FA2H: variants seen among roughly 807,000 people sequenced by gnomAD.
FA2H encodes fatty acid alpha-hydroxylase.
FA2H carries 22 observed loss-of-function variants against 44.9 expected under a neutral mutation model. The ratio of observed to expected loss-of-function variants is 0.49; its 90% CI spans 0.35 to 0.70. The LOEUF (loss-of-function observed/expected upper bound fraction) is 0.70, where lower values mean the gene tolerates loss of function less well. Among genes scored for constraint, FA2H ranks in the 30% least tolerant of loss-of-function variants. The pLI is 0.01. For synonymous variants in FA2H, 243 were observed against 213.2 expected, an observed-to-expected ratio of 1.14 and a Z score of -1.22; for missense variants, 501 against 504.9, an observed-to-expected ratio of 0.99 and a Z score of 0.07.
rs896869302 is a variant in FA2H, at chr16:74,774,717, G to C, written c.39C>G (p.Pro13=). ...PAPPPAASFS[P]SEVQRRLAAG... ...CCGCCAGGCGCCGCTGGACCTCGGA[G>C]GGCGAGAAGGAGGCGGCGGGGGGCG... is the stretch of plus-strand genomic sequence containing the variant. Residue 13 remains proline, a synonymous_variant, in exon 1 of 7, where the codon CCC becomes CCG. Coordinates refer to ENST00000219368, the MANE Select transcript of FA2H (RefSeq NM_024306.5). The C allele has an allele frequency of 6.7e-6, 9 of 1,340,336 alleles. No homozygotes were observed. The highest frequency in any genetic ancestry group is 6.6e-6 in the Non-Finnish European group (7 of 1,055,644). The allele number at this position is 1,340,336 out of a possible 1,614,324, so 83.0% of individuals were successfully genotyped here.
intron 2 of FA2H, among the ~76,000 whole-genome samples, chr16:74,733,333 A>G (rs1962115166): frequency 1.3e-5 from 2 of 151,930 alleles, no homozygotes; most frequent in East Asian, 1.9e-4. Context: ...AAGCACAGAA[A>G]TTCAGGCCCG....
At chr16:74,755,112 T>C (rs969845815) in intron 1 of FA2H, among the ~76,000 whole-genome samples, 1 of 151,462 alleles carries the variant, frequency 6.6e-6, no homozygotes, top group Non-Finnish European at 1.5e-5. Context: ...TGTTGAAATC[T>C]TGATGTCCGC....
Position 74,740,017 on chromosome 16 carries a change from A to G in FA2H, c.363+6T>C. 1.2e-6 allele frequency: 2 copies of G among 1,606,322 alleles called. No individual in the cohort carries two copies. The highest frequency in any genetic ancestry group is 1.7e-6 in the Non-Finnish European group (2 of 1,172,990). On this transcript the variant is annotated splice_donor_region_variant and intron_variant, in intron 2 of 6. Transcript: ENST00000219368. ...TCATCACCCCACTCCATCCTATGCC[A>G]GGTACCTTGTCCCAATCCACCACTT...
At chr16:74,755,756 G>T (rs1394411639) in intron 1 of FA2H, among the ~76,000 whole-genome samples, 3 of 152,038 alleles carry the variant, frequency 2.0e-5, no homozygotes, top group Non-Finnish European at 4.4e-5. Flanking sequence ...TCTTTATAAG[G>T]CTTGTGTATA....
intron 1 of FA2H, among the ~76,000 whole-genome samples, chr16:74,748,295 C>G (rs1369224207): frequency 2.0e-5 from 3 of 152,210 alleles, no homozygotes; most frequent in Non-Finnish European, 4.4e-5. Context: ...TTCTGCACTT[C>G]CCCCACCCCC....
intron 2 of FA2H, among the ~76,000 whole-genome samples, chr16:74,732,532 G>A (rs1962094494): frequency 6.6e-6 from 1 of 151,914 alleles, no homozygotes; most frequent in African/African-American, 2.4e-5. Context: ...CACTTCTCCG[G>A]TTGAAGTGAT....
rs150253492 is a variant in FA2H, at chr16:74,763,278, G to A, written c.270+11208C>T. Among the ~76,000 whole-genome samples the A allele has an allele frequency of 2.6e-4, 39 of 151,834 alleles. No homozygotes were observed. The East Asian group carries it at 7.5e-3, about 29-fold the overall frequency. On this transcript the variant is annotated intron_variant, in intron 1 of 6. Transcript: ENST00000219368. ...TGGAATTTTTTTTTGTTTTTTTTGAGACAGAGTCTCATTCTGTTACCCAGG... is the reference window on the plus strand; with the variant it reads ...TGGAATTTTTTTTTGTTTTTTTTGAAACAGAGTCTCATTCTGTTACCCAGG...
intron 5 of FA2H, 27 bp from the exon 6 acceptor site, chr16:74,716,626 G>A (rs1961708918): frequency 6.5e-7 from 1 of 1,533,180 alleles, no homozygotes; most frequent in Non-Finnish European, 8.8e-7. Context: ...TTGGGCATCA[G>A]GAGGCAGCCA....
chr16:74,773,509 T>C (rs904123579), intron 1 of FA2H, among the ~76,000 whole-genome samples: 2 of 152,160 alleles, frequency 1.3e-5, no homozygotes, highest in East Asian at 3.9e-4. Flanking sequence ...GAGCCAGGCC[T>C]GGGGAACATC....
chr16:74,750,691 G>C (rs1294729460), intron 1 of FA2H, among the ~76,000 whole-genome samples: 1 of 151,802 alleles, frequency 6.6e-6, no homozygotes, highest in Non-Finnish European at 1.5e-5. Flanking sequence ...TGGCTGACTT[G>C]TCTCAGGTGG....
chr16:74,755,180 G>T (rs1037677370), intron 1 of FA2H, among the ~76,000 whole-genome samples: 36 of 149,512 alleles, frequency 2.4e-4, no homozygotes, highest in Non-Finnish European at 3.4e-4. Context: ...TGGCAGGGCT[G>T]GGGGGTGTTG....
intron 1 of FA2H, among the ~76,000 whole-genome samples, chr16:74,751,333 C>A (rs1259644800): frequency 6.6e-6 from 1 of 151,998 alleles, no homozygotes; most frequent in Non-Finnish European, 1.5e-5. Context: ...TGACCTCAGG[C>A]GACCCACCCG....
intron 2 of FA2H, among the ~76,000 whole-genome samples, chr16:74,729,509 C>A (rs1007020645): frequency 6.6e-6 from 1 of 152,168 alleles, no homozygotes; most frequent in Non-Finnish European, 1.5e-5. Context: ...TTAACACATG[C>A]AAATACTTTA....
At chr16:74,724,192 G>A (rs561158210) in intron 4 of FA2H, among the ~76,000 whole-genome samples, 37 of 152,236 alleles carry the variant, frequency 2.4e-4, no homozygotes, top group Non-Finnish European at 3.5e-4. Flanking sequence ...GTGAGCCACC[G>A]TGCCTGGCCT....
chr16:74,745,662 C>G (rs1025336090), intron 1 of FA2H, among the ~76,000 whole-genome samples: 1 of 152,170 alleles, frequency 6.6e-6, no homozygotes, highest in African/African-American at 2.4e-5. Context: ...CAAGGCCACA[C>G]AGGAGAGAAG....
In FA2H at chr16:74,727,374, A is replaced by G; in HGVS notation, c.376T>C (p.Trp126Arg). ...VVDWDKDLVD[W>R]RKPLLWQVGH... ...ACCTGCCACAGGAGAGGCTTTCGCC[A>G]GTCCACCAGGTCCTGCAAGAGATGA... The change falls in exon 3 of 7, where the codon TGG (tryptophan) becomes CGG (arginine). Residue 126 changes from tryptophan (W) to arginine (R), a missense_variant. Transcript: ENST00000219368. 1 of 1,614,248 alleles carries G rather than the reference A, an allele frequency of 6.2e-7. No homozygotes were observed. The highest frequency in any genetic ancestry group is 8.5e-7 in the Non-Finnish European group (1 of 1,180,040).
chr16:74,728,290 A>G (rs1444221535), intron 2 of FA2H, among the ~76,000 whole-genome samples: 7 of 152,238 alleles, frequency 4.6e-5, no homozygotes, highest in Non-Finnish European at 8.8e-5. Flanking sequence ...CGGTACCTGC[A>G]TTAAGTGCTC....
chr16:74,719,831 C>T (rs1378964386), intron 4 of FA2H, among the ~76,000 whole-genome samples: 1 of 152,046 alleles, frequency 6.6e-6, no homozygotes, highest in Admixed American at 6.6e-5. Context: ...GCTGAGATAA[C>T]AGAAGGGAGC....
At chr16:74,734,089 G>A (rs570609634) in intron 2 of FA2H, among the ~76,000 whole-genome samples, 10 of 152,294 alleles carry the variant, frequency 6.6e-5, no homozygotes, top group Middle Eastern at 3.4e-3. Context: ...TTCCTGGTCC[G>A]GGCCCCATTT....
Sources: allele counts gnomAD v4.1 joint callset (sites outside exome capture counted in the v4.1 genomes callset), GRCh38; gene constraint gnomAD v4.1.1; transcripts MANE v1.5; gene names NCBI Gene and HGNC (gene_info 2026-07-23, HGNC 2026-07-21).